CSMD3: variants seen among roughly 807,000 people sequenced by gnomAD.
The protein encoded by CSMD3 is CUB and Sushi multiple domains 3.
In CSMD3, 177 loss-of-function variants were observed where a neutral mutation model predicts 435.2. That is an observed-to-expected ratio of 0.41 (90% CI 0.36 to 0.46). The LOEUF (loss-of-function observed/expected upper bound fraction) is 0.46, where lower values mean the gene tolerates loss of function less well. Ranked by LOEUF, CSMD3 falls within the 20% of genes least tolerant of loss-of-function variation. The pLI is 0.34. For synonymous variants in CSMD3, 1,656 were observed against 1,520.5 expected, an observed-to-expected ratio of 1.09 and a Z score of -2.07; for missense variants, 4,265 against 4,504.6, an observed-to-expected ratio of 0.95 and a Z score of 1.52.
intron 17 of CSMD3, among the ~76,000 whole-genome samples, chr8:112,657,975 G>A (rs551522715): frequency 6.6e-6 from 1 of 152,116 alleles, no homozygotes; most frequent in Non-Finnish European, 1.5e-5. Context: ...TTTGCATATA[G>A]TAGACACTCA....
chr8:113,264,674 A>G (rs2093453836), intron 3 of CSMD3, among the ~76,000 whole-genome samples: 1 of 151,612 alleles, frequency 6.6e-6, no homozygotes, highest in Admixed American at 6.6e-5. Context: ...TTAAACAAAG[A>G]AATATTCATT....
chr8:112,488,323 C>T (rs1024157459), intron 31 of CSMD3, among the ~76,000 whole-genome samples: 2 of 152,112 alleles, frequency 1.3e-5, no homozygotes, highest in Admixed American at 6.6e-5. Flanking sequence ...GTGTTACACG[C>T]TAAACACGAT....
chr8:112,862,047 G>T (rs2080841459), intron 10 of CSMD3, among the ~76,000 whole-genome samples: 1 of 151,920 alleles, frequency 6.6e-6, no homozygotes, highest in Admixed American at 6.6e-5. Context: ...TGCTGATGAA[G>T]AATCTTCATA....
chr8:112,244,622 A>G (rs781020547), intron 64 of CSMD3, 49 bp from the exon 65 acceptor site: 2 of 1,513,018 alleles, frequency 1.3e-6, no homozygotes, highest in Non-Finnish European at 1.8e-6. Flanking sequence ...ATATGTTAAG[A>G]AAAATTTGAG....
rs144123476 is a variant in CSMD3, at chr8:113,085,864, T to C, written c.917+12892A>G. On this transcript the variant is annotated intron_variant, in intron 5 of 70. Transcript: ENST00000297405. Reference sequence around the variant, plus strand: ...AATAAATTCTAGTGTTCTAGAACAATAGAGGATGAATATAGTTAACAATAA... The same window carrying C: ...AATAAATTCTAGTGTTCTAGAACAACAGAGGATGAATATAGTTAACAATAA... 9.2e-5 allele frequency among the ~76,000 whole-genome samples: 14 copies of C among 152,222 alleles called. No homozygotes were observed. In the East Asian group the frequency reaches 2.5e-3, roughly 27 times the overall value.
chr8:112,908,932 T>C (rs1019053536), intron 10 of CSMD3, among the ~76,000 whole-genome samples: 5 of 151,640 alleles, frequency 3.3e-5, no homozygotes, highest in African/African-American at 1.2e-4. Flanking sequence ...TAAATACAAA[T>C]AATGGTAAGT....
chr8:112,413,676 C>T (rs369690089), intron 32 of CSMD3, among the ~76,000 whole-genome samples: 8 of 152,256 alleles, frequency 5.3e-5, no homozygotes, highest in African/African-American at 1.9e-4. Flanking sequence ...AGGGGAGGGC[C>T]TTTGCTTAGA....
At chr8:112,953,339 T>A (rs917405674) in intron 8 of CSMD3, among the ~76,000 whole-genome samples, 2 of 151,488 alleles carry the variant, frequency 1.3e-5, no homozygotes, top group Non-Finnish European at 3.0e-5. Flanking sequence ...AGAAAATACA[T>A]CTTTCTCTCA....
chr8:112,308,283 T>C (rs772189676), intron 50 of CSMD3, among the ~76,000 whole-genome samples: 3 of 152,272 alleles, frequency 2.0e-5, no homozygotes, highest in East Asian at 1.9e-4. Flanking sequence ...CCAAAGATCA[T>C]GTATTTACTG....
chr8:112,274,629 C>T (rs1817858785), intron 59 of CSMD3, among the ~76,000 whole-genome samples: 1 of 152,142 alleles, frequency 6.6e-6, no homozygotes, highest in South Asian at 2.1e-4. Context: ...TGACATGGGG[C>T]CAGGAATGCC....
intron 23 of CSMD3, among the ~76,000 whole-genome samples, chr8:112,580,747 G>T (rs1830281700): frequency 6.6e-6 from 1 of 152,066 alleles, no homozygotes; most frequent in African/African-American, 2.4e-5. Flanking sequence ...CAATTGTACT[G>T]CTGACTTCAG....
intron 45 of CSMD3, among the ~76,000 whole-genome samples, chr8:112,327,868 T>G (rs1166176274): frequency 6.6e-6 from 1 of 152,216 alleles, no homozygotes; most frequent in Non-Finnish European, 1.5e-5. Context: ...GCAATAGTTT[T>G]TCGTTATTTT....
intron 27 of CSMD3, among the ~76,000 whole-genome samples, chr8:112,531,600 G>A (rs1375051715): frequency 6.6e-6 from 1 of 152,160 alleles, no homozygotes; most frequent in Non-Finnish European, 1.5e-5. Flanking sequence ...AAGTCCATCA[G>A]AAATAAGTAC....
In CSMD3 at chr8:112,422,308, A is replaced by C. The variant is rs1308201997; in HGVS notation, c.5396-13276T>G. Among the ~76,000 whole-genome samples the C allele has an allele frequency of 4.6e-5, 7 of 152,168 alleles. No homozygotes were observed. In the East Asian group the frequency reaches 1.2e-3, roughly 25 times the overall value. ...ATTTAGTCATCATGAATAATAGAGG[A>C]ATAGATTTCTATTATCTTAAAAATA... is the stretch of plus-strand genomic sequence containing the variant. On this transcript the variant is annotated intron_variant, in intron 32 of 70. Transcript: ENST00000297405.
intron 3 of CSMD3, among the ~76,000 whole-genome samples, chr8:113,258,746 T>C (rs1208119031): frequency 1.3e-5 from 2 of 152,014 alleles, no homozygotes; most frequent in South Asian, 2.1e-4. Flanking sequence ...CGTTAAGAGA[T>C]GACTATTAGA....
intron 6 of CSMD3, among the ~76,000 whole-genome samples, chr8:112,992,819 G>C (rs1463389697): frequency 6.6e-6 from 1 of 150,734 alleles, no homozygotes; most frequent in African/African-American, 2.4e-5. Flanking sequence ...ATGTGCCTCT[G>C]TGTGTGTGTG....
chr8:112,516,418 C>T (rs1823676428), intron 28 of CSMD3, among the ~76,000 whole-genome samples: 1 of 152,020 alleles, frequency 6.6e-6, no homozygotes, highest in Non-Finnish European at 1.5e-5. Context: ...TATTTTTATT[C>T]CAAAAGCGGG....
intron 10 of CSMD3, among the ~76,000 whole-genome samples, chr8:112,870,733 CAT>C (rs2081112196): frequency 6.6e-6 from 1 of 151,622 alleles, no homozygotes; most frequent in South Asian, 2.1e-4. Flanking sequence ...TAAATTAATC[CAT>C]ATTCTGTTTG....
chr8:112,852,661 G>A (rs1277341037), intron 11 of CSMD3, among the ~76,000 whole-genome samples: 1 of 152,048 alleles, frequency 6.6e-6, no homozygotes, highest in Non-Finnish European at 1.5e-5. Context: ...GGTAGCTCAC[G>A]TCTATAATCC....
Sources: allele counts gnomAD v4.1 joint callset (sites outside exome capture counted in the v4.1 genomes callset), GRCh38; gene constraint gnomAD v4.1.1; transcripts MANE v1.5; gene names NCBI Gene and HGNC (gene_info 2026-07-23, HGNC 2026-07-21).